PKD1L3: variants seen among roughly 807,000 people sequenced by gnomAD.
The protein encoded by PKD1L3 is polycystin-1-like protein 3.
In PKD1L3, 239 loss-of-function variants were observed where a neutral mutation model predicts 184.1. That is an observed-to-expected ratio of 1.30 (90% confidence interval 1.17 to 1.45). The LOEUF (loss-of-function observed/expected upper bound fraction) is 1.45. PKD1L3 is among the 40% of genes most tolerant of loss of function. The pLI, the probability that PKD1L3 is intolerant of heterozygous loss-of-function variation, is 0.00. For synonymous variants in PKD1L3, 996 were observed against 778.8 expected (o/e 1.28, Z -4.64); for missense variants, 2,660 against 2,067.2 (o/e 1.29, Z -5.56).
At chr16:71,964,023 A>G (rs1024005316) in intron 15 of PKD1L3, among the ~76,000 whole-genome samples, 3 of 152,054 alleles carry the variant, frequency 2.0e-5, no homozygotes, top group Admixed American at 6.6e-5. Flanking sequence ...ATTTACATTA[A>G]TGACTTCTCA....
chr16:71,959,495 A>T (rs959240399), intron 16 of PKD1L3, among the ~76,000 whole-genome samples: 8 of 152,214 alleles, frequency 5.3e-5, no homozygotes, highest in Non-Finnish European at 7.3e-5. Context: ...TAATTATTTA[A>T]TTAACTGTGA....
intron 16 of PKD1L3, among the ~76,000 whole-genome samples, chr16:71,959,845 T>C (rs2039201825): frequency 6.6e-6 from 1 of 152,136 alleles, no homozygotes. Flanking sequence ...TGGTCAGGCA[T>C]GGTGGCTCAC....
At chr16:71,948,298 G>T (rs892697219) in intron 21 of PKD1L3, among the ~76,000 whole-genome samples, 1 of 152,162 alleles carries the variant, frequency 6.6e-6, no homozygotes, top group Non-Finnish European at 1.5e-5. Flanking sequence ...GGCCAGGCTG[G>T]TCTCAAACTC....
At chr16:71,968,757 G>A (rs537596192) in intron 13 of PKD1L3, among the ~76,000 whole-genome samples, 58 of 151,940 alleles carry the variant, frequency 3.8e-4, no homozygotes, top group Admixed American at 2.2e-3. Flanking sequence ...CACCACAGCC[G>A]GCTAATTTTT....
chr16:71,934,077 G>GTGAGTCGCAGCAGAGTTCACTTTTAC lies in PKD1L3; in HGVS notation c.4636_4661dup (p.His1554GlnfsTer2). 1 of 1,551,950 alleles carries GTGAGTCGCAGCAGAGTTCACTTTTAC rather than the reference G, an allele frequency of 6.4e-7. No homozygotes were observed. Among genetic ancestry groups the GTGAGTCGCAGCAGAGTTCACTTTTAC allele is most frequent in the Non-Finnish European group, 8.7e-7 (1 of 1,147,068 alleles). Reference sequence around the variant, plus strand: ...CCAGGAGAACCGGGAAGCCCACAAGGTGAGTCGCAGCAGAGTTCACTTTTA... The same window carrying GTGAGTCGCAGCAGAGTTCACTTTTAC: ...CCAGGAGAACCGGGAAGCCCACAAGGTGAGTCGCAGCAGAGTTCACTTTTACTGAGTCGCAGCAGAGTTCACTTTTA... On this transcript the variant is annotated stop_gained and frameshift_variant, in exon 27 of 30. Coordinates refer to ENST00000620267, the MANE Select transcript of PKD1L3 (RefSeq NM_181536.2). LOFTEE classifies it high-confidence loss of function.
Position 71,954,159 on chromosome 16 carries a change from T to A in PKD1L3, c.2755A>T (p.Ile919Phe). The change falls in exon 17 of 30, where the codon ATC (isoleucine) becomes TTC (phenylalanine). Residue 919 changes from isoleucine (I) to phenylalanine (F), a missense_variant. Ile to Phe is a conservative substitution (Grantham distance 21, BLOSUM62 0). Coordinates refer to ENST00000620267, the MANE Select transcript of PKD1L3 (RefSeq NM_181536.2). Reference sequence around the variant, plus strand: ...TTTATCTTCCAGAACATAACATTGATGACCATGTTGCAGAGTAGCAGTGTC... The same window carrying A: ...TTTATCTTCCAGAACATAACATTGAAGACCATGTTGCAGAGTAGCAGTGTC... ...CMTLLLCNMV[I>F]NVMFWKINST... 1 of 1,551,176 alleles carries A rather than the reference T, an allele frequency of 6.4e-7. No homozygotes were observed. The highest frequency in any genetic ancestry group is 1.4e-5 in the African/African-American group (1 of 73,100).
chr16:71,970,180 G>A, intron 12 of PKD1L3, 75 bp from the exon 13 acceptor site: 2 of 1,133,646 alleles, frequency 1.8e-6, no homozygotes, highest in Non-Finnish European at 2.5e-6. Flanking sequence ...ACAAACACCA[G>A]CAATTTAGAG....
At chr16:71,950,061 G>A in intron 20 of PKD1L3, 44 bp from the exon 21 acceptor site, 2 of 1,549,370 alleles carry the variant, frequency 1.3e-6, no homozygotes, top group Non-Finnish European at 1.7e-6. Flanking sequence ...TGCATCGGCT[G>A]AGATAGAGGA....
chr16:71,953,182 G>A (rs895579626), intron 17 of PKD1L3, 89 bp from the exon 18 acceptor site: 5 of 1,084,536 alleles, frequency 4.6e-6, no homozygotes, highest in Non-Finnish European at 5.0e-6. Context: ...TATTTACTGA[G>A]GAAGTTAACT....
At chr16:71,978,421 A>C in intron 9 of PKD1L3, 38 bp from the exon 10 acceptor site, 1 of 1,525,460 alleles carries the variant, frequency 6.6e-7, no homozygotes. Flanking sequence ...TCCATTGCTG[A>C]AATATTTTTA....
At position 71,977,339 on chromosome 16, in the gene PKD1L3, G is replaced by A; in HGVS notation, c.1656C>T (p.Asp552=). ...GGTAGAGTGTCATTAAAAGGGGACT[G>A]TCAGGATCTATGCTCACTATCAAGG... The part of the protein sequence containing the change: ...EKSLIVSIDP[D]SPLLMTLYLG... The change falls in exon 11 of 30, where the codon GAC becomes GAT. Residue 552 remains aspartate (D), a synonymous_variant. Transcript: ENST00000620267. 1.3e-6 allele frequency: 2 copies of A among 1,547,638 alleles called. No individual in the cohort carries two copies. The highest frequency in any genetic ancestry group is 1.7e-6 in the Non-Finnish European group (2 of 1,143,322).
chr16:71,973,571 T>G, intron 11 of PKD1L3, 54 bp from the exon 12 acceptor site: 8 of 1,417,806 alleles, frequency 5.6e-6, no homozygotes, highest in Non-Finnish European at 7.7e-6. Flanking sequence ...AAAACACCAA[T>G]GAACCTCTCT....
intron 28 of PKD1L3, among the ~76,000 whole-genome samples, chr16:71,931,562 T>A (rs989802538): frequency 1.3e-5 from 2 of 150,720 alleles, no homozygotes; most frequent in African/African-American, 4.9e-5. Context: ...CCTCCCAGGT[T>A]CAAGCGATTC....
chr16:71,984,752 G>C (rs1053494849), intron 5 of PKD1L3, among the ~76,000 whole-genome samples: 1 of 152,148 alleles, frequency 6.6e-6, no homozygotes, highest in Non-Finnish European at 1.5e-5. Flanking sequence ...CCAGCTACTC[G>C]GGAGGCTGAG....
At chr16:71,977,127 C>T in intron 11 of PKD1L3, 109 bp downstream of exon 11, 1 of 803,894 alleles carries the variant, frequency 1.2e-6, no homozygotes, top group South Asian at 1.7e-5. Flanking sequence ...GCAGGAGGAT[C>T]CCCTGAGCCT....
intron 15 of PKD1L3, among the ~76,000 whole-genome samples, chr16:71,963,671 T>C (rs552424525): frequency 1.3e-5 from 2 of 152,232 alleles, no homozygotes; most frequent in African/African-American, 4.8e-5. Flanking sequence ...AGTCCTGAGC[T>C]ACTTGAAAGG....
chr16:71,937,406 G>C lies in PKD1L3; in HGVS notation c.4338C>G (p.Thr1446=), dbSNP rs1273204178. 1 of 1,551,510 alleles carries C rather than the reference G, an allele frequency of 6.4e-7. No individual in the cohort carries two copies. Among genetic ancestry groups the C allele is most frequent in the Non-Finnish European group, 8.7e-7 (1 of 1,146,938 alleles). Residue 1446 remains threonine, a synonymous_variant, in exon 25 of 30, where the codon ACC becomes ACG. Coordinates refer to ENST00000620267, the MANE Select transcript of PKD1L3 (RefSeq NM_181536.2). The stretch of plus-strand genomic sequence containing the variant: ...AAGTGAAGCTTTCCAGTCTCAAAGA[G>C]GTGAAGAAAGCACCTGAGAATAACA... ...FSYIMRGAFF[T]SLRLESFTSL...
In PKD1L3 at chr16:71,935,368, C is replaced by T. The variant is rs1042400241; in HGVS notation, c.4603G>A (p.Asp1535Asn). 5 of 1,551,426 alleles carry T rather than the reference C, an allele frequency of 3.2e-6. No individual in the cohort carries two copies. The highest frequency in any genetic ancestry group is 3.5e-6 in the Non-Finnish European group (4 of 1,146,828). The change falls in exon 26 of 30, where the codon GAC becomes AAC. Residue 1535 changes from aspartate to asparagine, a missense_variant. Transcript: ENST00000620267. The part of the protein sequence containing the change: ...HKKNMARYRD[D>N]QDRFISFYEA... Reference sequence around the variant, plus strand: ...CAGGCTTCCTCTCACCTGTCCTGGTCATCGCGGTATCGTGCCATGTTTTTC... The same window carrying T: ...CAGGCTTCCTCTCACCTGTCCTGGTTATCGCGGTATCGTGCCATGTTTTTC...
chr16:71,969,890 T>G lies in PKD1L3; in HGVS notation c.2169A>C (p.Gln723His). The change falls in exon 13 of 30, where the codon CAA becomes CAC. Residue 723 changes from glutamine to histidine, a missense_variant. Gln to His is a conservative substitution (Grantham distance 24). Coordinates refer to ENST00000620267, the MANE Select transcript of PKD1L3 (RefSeq NM_181536.2). ...GTCTCATTACCTTCTGCATATCTGCTTGATCCTTTTTCCGAGCCCACACAA... is the reference window on the plus strand; with the variant it reads ...GTCTCATTACCTTCTGCATATCTGCGTGATCCTTTTTCCGAGCCCACACAA... Reference protein sequence around the residue: ...ITVVWARKKDQADMQKVKVTV... With the variant: ...ITVVWARKKDHADMQKVKVTV... The G allele has an allele frequency of 6.5e-7, 1 of 1,550,124 alleles. No individual in the cohort carries two copies. Among genetic ancestry groups the G allele is most frequent in the Non-Finnish European group, 8.7e-7 (1 of 1,145,324 alleles).
Sources: allele counts gnomAD v4.1 joint callset (sites outside exome capture counted in the v4.1 genomes callset), GRCh38; gene constraint gnomAD v4.1.1; transcripts MANE v1.5; gene names NCBI Gene and HGNC (gene_info 2026-07-23, HGNC 2026-07-21).